The following DRD2 variants were observed in gnomAD, a reference collection of about 807,000 sequenced individuals.
The protein encoded by DRD2 is dopamine receptor D2.
In DRD2, 8 loss-of-function variants were observed where a neutral mutation model predicts 38.0. The observed-to-expected ratio is 0.21, with a 90% CI of 0.12 to 0.38. The LOEUF (loss-of-function observed/expected upper bound fraction) is 0.38. DRD2 is among the 10% of genes least tolerant of loss of function. The pLI, the probability that DRD2 is intolerant of heterozygous loss-of-function variation, is 1.00. For missense variants in DRD2, 403 were observed against 607.7 expected (o/e 0.66, Z 3.54); for synonymous variants, 230 against 238.6 (o/e 0.96, Z 0.33).
At chr11:113,416,171 G>T (rs1950823919) in intron 4 of DRD2, among the ~76,000 whole-genome samples, 2 of 152,168 alleles carry the variant, frequency 1.3e-5, no homozygotes, top group African/African-American at 4.8e-5. Context: ...TTCCCACTTA[G>T]AATTCCTGTG....
chr11:113,431,110 C>A (rs1317744475), intron 1 of DRD2, among the ~76,000 whole-genome samples: 1 of 152,192 alleles, frequency 6.6e-6, no homozygotes, highest in East Asian at 1.9e-4. Context: ...TAAAAGCTTA[C>A]AAAACTCCAA....
intron 2 of DRD2, among the ~76,000 whole-genome samples, chr11:113,422,279 A>G (rs533000904): frequency 6.6e-6 from 1 of 152,358 alleles, no homozygotes; most frequent in East Asian, 1.9e-4. Context: ...CATCATCGCC[A>G]TGGCTGACAT....
At chr11:113,440,613 A>T (rs780493281) in intron 1 of DRD2, among the ~76,000 whole-genome samples, 1 of 152,228 alleles carries the variant, frequency 6.6e-6, no homozygotes, top group Non-Finnish European at 1.5e-5. Flanking sequence ...ATGAAGATGA[A>T]AGGGCATTCC....
intron 6 of DRD2, chr11:113,413,330 G>A (rs766325257): frequency 3.8e-6 from 2 of 531,110 alleles, no homozygotes; most frequent in African/African-American, 1.9e-5. Flanking sequence ...CCACTTCATG[G>A]GTACCTGCAC....
chr11:113,466,697 T>G (rs1217503090), intron 1 of DRD2, among the ~76,000 whole-genome samples: 6 of 152,320 alleles, frequency 3.9e-5, no homozygotes, highest in Middle Eastern at 3.4e-3. Context: ...AGAGTGTCGC[T>G]ATGGGGAAGT....
At chr11:113,467,136 C>A (rs966116013) in intron 1 of DRD2, among the ~76,000 whole-genome samples, 10 of 151,982 alleles carry the variant, frequency 6.6e-5, no homozygotes, top group African/African-American at 2.4e-4. Flanking sequence ...TCTTATTGAC[C>A]CTGCCATAAA....
At chr11:113,453,943 G>A (rs1327445043) in intron 1 of DRD2, among the ~76,000 whole-genome samples, 1 of 152,180 alleles carries the variant, frequency 6.6e-6, no homozygotes, top group Non-Finnish European at 1.5e-5. Flanking sequence ...GGGGGGCTGG[G>A]GGGAGGATGG....
At chr11:113,425,525 C>T (rs1950932892) in intron 1 of DRD2, among the ~76,000 whole-genome samples, 1 of 152,090 alleles carries the variant, frequency 6.6e-6, no homozygotes, top group African/African-American at 2.4e-5. Context: ...TATACATGAT[C>T]CTAAGGGCAG....
chr11:113,426,213 G>A (rs1950940511), intron 1 of DRD2, among the ~76,000 whole-genome samples: 1 of 152,008 alleles, frequency 6.6e-6, no homozygotes, highest in Non-Finnish European at 1.5e-5. Context: ...GACAAGCAGG[G>A]AGATAAGGAG....
intron 1 of DRD2, among the ~76,000 whole-genome samples, chr11:113,441,068 G>C (rs1183575551): frequency 1.4e-5 from 2 of 147,230 alleles, no homozygotes; most frequent in Non-Finnish European, 3.1e-5. Flanking sequence ...GCTGTGGCAA[G>C]AAGGAGGAGA....
At chr11:113,450,630 A>G (rs752912287) in intron 1 of DRD2, among the ~76,000 whole-genome samples, 20 of 152,252 alleles carry the variant, frequency 1.3e-4, no homozygotes, top group Non-Finnish European at 2.5e-4. Context: ...AGTCTACTAC[A>G]TTCTCACTCA....
At chr11:113,413,973 G>C (rs750479660) in intron 6 of DRD2, 2 of 333,710 alleles carry the variant, frequency 6.0e-6, no homozygotes, top group African/African-American at 4.3e-5. Flanking sequence ...ACCAACTCTT[G>C]AGACGGGTGA....
chr11:113,432,288 T>TTCTCTCTCTCTCTCTC (rs56097058), intron 1 of DRD2, among the ~76,000 whole-genome samples: 1 of 136,258 alleles, frequency 7.3e-6, no homozygotes, highest in Non-Finnish European at 1.6e-5. Context: ...GATCCTCTCT[T>TTCTCTCTCTCTCTCTC]TCTCTCTCTC....
chr11:113,441,212 G>A (rs1463994531), intron 1 of DRD2, among the ~76,000 whole-genome samples: 1 of 152,180 alleles, frequency 6.6e-6, no homozygotes, highest in African/African-American at 2.4e-5. Context: ...CAACTTATGG[G>A]CAGACCATAA....
chr11:113,470,315 T>C (rs1262108649), intron 1 of DRD2, among the ~76,000 whole-genome samples: 5 of 152,186 alleles, frequency 3.3e-5, no homozygotes, highest in African/African-American at 9.6e-5. Flanking sequence ...GCGCCAGGAC[T>C]CCCTTTGGCT....
intron 1 of DRD2, chr11:113,450,194 A>G (rs1951198107): frequency 6.6e-6 from 1 of 152,606 alleles, no homozygotes; most frequent in Non-Finnish European, 1.5e-5. Flanking sequence ...TCTCCCTATC[A>G]TGAAATCCCG....
chr11:113,442,459 G>T (rs146862854), intron 1 of DRD2, among the ~76,000 whole-genome samples: 209 of 152,324 alleles, frequency 1.4e-3, no homozygotes, highest in Admixed American at 3.8e-3. Context: ...AGGGGTAGCG[G>T]CAGGAGGAGG....
At chr11:113,449,529 G>A (rs987919195) in intron 1 of DRD2, among the ~76,000 whole-genome samples, 2 of 152,136 alleles carry the variant, frequency 1.3e-5, no homozygotes, top group Non-Finnish European at 2.9e-5. Context: ...TGAGCCAAGG[G>A]CAGGCTTGGA....
chr11:113,419,127 C>A (rs535032770), intron 2 of DRD2, among the ~76,000 whole-genome samples: 1 of 152,374 alleles, frequency 6.6e-6, no homozygotes. Flanking sequence ...AGTTCCTAGT[C>A]CTGCTCTGGC....
Sources: allele counts gnomAD v4.1 joint callset (sites outside exome capture counted in the v4.1 genomes callset), GRCh38; gene constraint gnomAD v4.1.1; transcripts MANE v1.5; gene names NCBI Gene and HGNC (gene_info 2026-07-23, HGNC 2026-07-21).